The following TOX2 variants were observed in gnomAD, a reference collection of about 807,000 sequenced individuals.
TOX2 encodes the protein TOX high mobility group box family member 2, also known as granulosa cell HMG box 1.
A neutral mutation model predicts 47.4 loss-of-function variants in TOX2; 15 were observed. The ratio of observed to expected loss-of-function variants is 0.32; its 90% CI spans 0.21 to 0.49. The LOEUF (loss-of-function observed/expected upper bound fraction) is 0.49, where lower values mean the gene tolerates loss of function less well. TOX2 is among the 20% of genes least tolerant of loss of function. The pLI is 0.99. For synonymous variants in TOX2, 290 were observed against 296.6 expected, an observed-to-expected ratio of 0.98 and a Z score of 0.23; for missense variants, 622 against 673.1, an observed-to-expected ratio of 0.92 and a Z score of 0.84.
At chr20:44,066,483 C>T (rs887004784) in intron 7 of TOX2, among the ~76,000 whole-genome samples, 5 of 152,206 alleles carry the variant, frequency 3.3e-5, no homozygotes, top group African/African-American at 4.8e-5. Context: ...TTCCATTTTA[C>T]AGATCGAGAA....
chr20:44,044,750 A>G (rs1471596165), intron 3 of TOX2, among the ~76,000 whole-genome samples: 2 of 152,204 alleles, frequency 1.3e-5, no homozygotes, highest in Admixed American at 6.5e-5. Flanking sequence ...CAGAATTACT[A>G]TATGATACGG....
chr20:44,066,594 CAAGGCAGCAGCCCTG>C, intron 7 of TOX2, 121 bp from the exon 8 acceptor site: 2 of 1,353,350 alleles, frequency 1.5e-6, no homozygotes, highest in Non-Finnish European at 2.1e-6. Flanking sequence ...CTACTGGGAG[CAAGGCAGCAGCCCTG>C]GAGGCAGCAT....
At position 44,066,732 on chromosome 20, in the gene TOX2, C is replaced by G. The variant is rs767353983; in HGVS notation, c.1359C>G (p.Asp453Glu). The change falls in exon 8 of 9, where the codon GAC (aspartate) becomes GAG (glutamate). Residue 453 changes from aspartate (D) to glutamate (E), a missense_variant and splice_region_variant. This residue lies in a region of TOX2 where 294 missense variants were observed against 300.0 expected (regional missense o/e 0.98). Transcript: ENST00000341197. Reference sequence around the variant, plus strand: ...GCCTCCTCCTTCCCACTCTGTAGGACTTCCCGCACATCTCTGAGTTCCCCA... The same window carrying G: ...GCCTCCTCCTTCCCACTCTGTAGGAGTTCCCGCACATCTCTGAGTTCCCCA... Reference protein sequence around the residue: ...AMSPSPPGPQDFPHISEFPSS... With the variant: ...AMSPSPPGPQEFPHISEFPSS... 6.2e-7 allele frequency: 1 copy of G among 1,614,086 alleles called. No homozygotes were observed. Among genetic ancestry groups the G allele is most frequent in the African/African-American group, 1.3e-5 (1 of 74,942 alleles).
rs1045859733 is a variant in TOX2, at chr20:43,977,784, G to C, written c.165+4352G>C. Among the ~76,000 whole-genome samples, 88 of 152,170 alleles carry C rather than the reference G, an allele frequency of 5.8e-4. 2 individuals are homozygous for C. Among genetic ancestry groups the C allele is most frequent in the Non-Finnish European group, 2.6e-4 (18 of 68,020 alleles). On this transcript the variant is annotated intron_variant, in intron 2 of 8. Transcript: ENST00000341197. ...GCTGTGTCCCCATCAGCAGCTCCAG[G>C]GGGGTAGAGGACCTGGTAGAGGTCA...
chr20:44,026,228 G>GTTATATATATATATATATAT (rs2071059408), intron 3 of TOX2, among the ~76,000 whole-genome samples: 13 of 60,240 alleles, frequency 2.2e-4, no homozygotes, highest in Admixed American at 1.7e-3. Context: ...AAGAAACTGT[G>GTTATATATATATATATATAT]ATATATATAT....
chr20:44,013,867 C>T (rs778816251), intron 3 of TOX2, among the ~76,000 whole-genome samples: 11 of 152,004 alleles, frequency 7.2e-5, no homozygotes, highest in East Asian at 1.9e-4. Flanking sequence ...CATCGTGGCT[C>T]GCCTGTCATA....
chr20:43,982,044 G>A (rs1406501112), intron 2 of TOX2, among the ~76,000 whole-genome samples: 2 of 152,088 alleles, frequency 1.3e-5, no homozygotes, highest in African/African-American at 4.8e-5. Flanking sequence ...GCTAAGGGAT[G>A]CTTTCAGATT....
chr20:44,019,147 T>C (rs1487908768), intron 3 of TOX2, among the ~76,000 whole-genome samples: 10 of 152,202 alleles, frequency 6.6e-5, no homozygotes, highest in Admixed American at 6.5e-4. Context: ...GAAAAATAAA[T>C]GCCTCTGTAA....
intron 2 of TOX2, among the ~76,000 whole-genome samples, chr20:43,986,799 C>T (rs1460116902): frequency 1.3e-5 from 2 of 152,168 alleles, no homozygotes; most frequent in Non-Finnish European, 2.9e-5. Context: ...GGCGTGGTGG[C>T]TCATGCCTGT....
At position 43,991,614 on chromosome 20, in the gene TOX2, CATTATTATTATTATT is replaced by C. The variant is rs143981680; in HGVS notation, c.166-14902_166-14888del. ...CCTAGTGAAGGGGACAGGCAATAAT[CATTATTATTATTATT>C]ATTATTATTATTATTATTATTATTA... On this transcript the variant is annotated intron_variant, in intron 2 of 8. Coordinates refer to ENST00000341197, the MANE Select transcript of TOX2 (RefSeq NM_001098797.2). 9.3e-3 allele frequency among the ~76,000 whole-genome samples: 1,314 copies of C among 141,690 alleles called. 15 individuals are homozygous for C. Among genetic ancestry groups the C allele is most frequent in the African/African-American group, 0.029 (1,125 of 38,638 alleles). 93.0% of individuals were successfully genotyped at this position (141,690 alleles called of 152,430 possible).
Position 44,036,536 on chromosome 20 carries a change from A to C in TOX2, c.412-14770A>C, listed in dbSNP as rs1399324033. Among the ~76,000 whole-genome samples the C allele has an allele frequency of 2.6e-5, 4 of 152,248 alleles. No individual in the cohort carries two copies. In the East Asian group the frequency reaches 7.7e-4, roughly 29 times the overall value. The stretch of plus-strand genomic sequence containing the variant: ...TGGTCAACAGGTCAGTGTCTGGCAA[A>C]TGCTACCTGCCACATAAAGGATAAC... On this transcript the variant is annotated intron_variant, in intron 3 of 8. Coordinates refer to ENST00000341197, the MANE Select transcript of TOX2 (RefSeq NM_001098797.2).
chr20:43,972,253 G>A (rs962596570), intron 1 of TOX2, among the ~76,000 whole-genome samples: 1 of 152,078 alleles, frequency 6.6e-6, no homozygotes, highest in Non-Finnish European at 1.5e-5. Flanking sequence ...TTCCTTACCT[G>A]GGCTACAACA....
intron 1 of TOX2, among the ~76,000 whole-genome samples, chr20:43,933,285 C>G (rs904798459): frequency 6.6e-6 from 1 of 152,224 alleles, no homozygotes; most frequent in Non-Finnish European, 1.5e-5. Context: ...ATTAGCAATA[C>G]GATTGCCATG....
rs539169500 is a variant in TOX2, at chr20:44,006,564, C to A, written c.183C>A (p.Ser61Arg). Residue 61 changes from serine to arginine, a missense_variant, in exon 3 of 9, where the codon AGC becomes AGA. Coordinates refer to ENST00000341197, the MANE Select transcript of TOX2 (RefSeq NM_001098797.2). ...TGTTTTAGACCTACAACGGCCAGAG[C>A]GAGAACAACGAAGACTATGAGATCC... ...LSTSQTYNGQ[S>R]ENNEDYEIPP... The A allele has an allele frequency of 1.7e-5, 27 of 1,613,314 alleles. No homozygotes were observed. The highest frequency in any genetic ancestry group is 2.3e-5 in the Non-Finnish European group (27 of 1,179,868).
intron 3 of TOX2, among the ~76,000 whole-genome samples, chr20:44,046,375 G>A (rs1475490244): frequency 6.6e-6 from 1 of 152,102 alleles, no homozygotes; most frequent in Non-Finnish European, 1.5e-5. Flanking sequence ...AATAGGAATG[G>A]CAGGCTTTGT....
chr20:44,047,058 AG>A (rs1211093364), intron 3 of TOX2, among the ~76,000 whole-genome samples: 1 of 152,256 alleles, frequency 6.6e-6, no homozygotes, highest in Non-Finnish European at 1.5e-5. Flanking sequence ...AAATAACTTT[AG>A]GGTCAGAGAG....
At chr20:43,986,957 G>C (rs995101332) in intron 2 of TOX2, among the ~76,000 whole-genome samples, 2 of 152,168 alleles carry the variant, frequency 1.3e-5, no homozygotes, top group Non-Finnish European at 2.9e-5. Flanking sequence ...CCAGCTACTC[G>C]AGAGGCTAAG....
intron 3 of TOX2, among the ~76,000 whole-genome samples, chr20:44,014,717 G>C (rs1213669753): frequency 6.6e-6 from 1 of 152,184 alleles, no homozygotes; most frequent in African/African-American, 2.4e-5. Flanking sequence ...TAGGCAATTG[G>C]TAAATGTAAG....
intron 2 of TOX2, among the ~76,000 whole-genome samples, chr20:43,993,944 G>A (rs6130495): frequency 0.22 from 33,257 of 152,054 alleles, 3,908 homozygotes; most frequent in Middle Eastern, 0.33. Flanking sequence ...CTTGAGGCCA[G>A]GAGTTTGAGA....
Sources: gnomAD v4.1 joint callset for allele counts (sites outside exome capture counted in the v4.1 genomes callset) on GRCh38, gnomAD v4.1.1 for gene constraint, gnomAD v4.1.1 regional missense constraint, MANE v1.5 for transcripts, NCBI Gene and HGNC (gene_info 2026-07-23, HGNC 2026-07-21) for gene names.